MTTP: variants seen among roughly 807,000 people sequenced by gnomAD.
MTTP encodes microsomal triglyceride transfer protein large subunit.
MTTP carries 49 observed loss-of-function variants against 90.6 expected under a neutral mutation model. The observed-to-expected ratio is 0.54, with a 90% confidence interval of 0.43 to 0.69. The LOEUF (loss-of-function observed/expected upper bound fraction) is 0.69. MTTP is among the 30% of genes least tolerant of loss of function. The pLI is 0.00. For synonymous variants in MTTP, 347 were observed against 384.2 expected, an observed-to-expected ratio of 0.90 and a Z score of 1.13; for missense variants, 945 against 1,067.5, an observed-to-expected ratio of 0.89 and a Z score of 1.60.
intron 15 of MTTP, among the ~76,000 whole-genome samples, chr4:99,615,453 G>C (rs1273441412): frequency 6.6e-6 from 1 of 152,206 alleles, no homozygotes; most frequent in African/African-American, 2.4e-5. Context: ...CTATGAGAAA[G>C]ATTGCCCCCT....
At chr4:99,564,946 C>G (rs1391005197) in intron 1 of MTTP, among the ~76,000 whole-genome samples, 1 of 152,200 alleles carries the variant, frequency 6.6e-6, no homozygotes, top group African/African-American at 2.4e-5. Flanking sequence ...ACTTGAAACA[C>G]TGTATCAGCT....
At chr4:99,575,891 T>G (rs1258524927) in intron 1 of MTTP, among the ~76,000 whole-genome samples, 3 of 152,204 alleles carry the variant, frequency 2.0e-5, no homozygotes, top group South Asian at 4.1e-4. Context: ...TAGAAAACAA[T>G]TCACTTATAA....
intron 17 of MTTP, among the ~76,000 whole-genome samples, chr4:99,621,566 C>T (rs781587339): frequency 1.7e-4 from 26 of 152,146 alleles, no homozygotes; most frequent in Non-Finnish European, 3.2e-4. Flanking sequence ...CATTTACTGT[C>T]TGGTATCTTC....
upstream of MTTP, chr4:99,570,622 C>CT (rs763083944): frequency 1.1e-5 from 5 of 449,760 alleles, no homozygotes; most frequent in Non-Finnish European, 2.2e-5. Context: ...CTGTGATAGT[C>CT]TAAGTTAAGG....
At chr4:99,595,360 C>CAA (rs1417577523) in intron 7 of MTTP, 2 of 179,866 alleles carry the variant, frequency 1.1e-5, no homozygotes, top group African/African-American at 4.8e-5. Flanking sequence ...GTTTCCCCTA[C>CAA]AATTCCTGTC....
At chr4:99,622,593 A>G (rs1726263477) in intron 17 of MTTP, 84 bp from the exon 18 acceptor site, 1 of 1,451,754 alleles carries the variant, frequency 6.9e-7, no homozygotes, top group Middle Eastern at 1.7e-4. Flanking sequence ...CAGAAACTTC[A>G]AGTACATTCA....
At chr4:99,607,782 G>A (rs1725853309) in intron 11 of MTTP, among the ~76,000 whole-genome samples, 1 of 152,122 alleles carries the variant, frequency 6.6e-6, no homozygotes, top group South Asian at 2.1e-4. Context: ...GGATCCTAAT[G>A]TAACCTACAG....
In MTTP at chr4:99,574,865, G is replaced by T; in HGVS notation, c.-45G>T. ...CCATTGAAAGAGTCCACTTCTCAGT[G>T]ACTCCTAGCTGGGCACTGGATGCAG... On this transcript the variant is annotated 5_prime_UTR_variant, in exon 1 of 18. Transcript: ENST00000265517. The T allele has an allele frequency of 6.2e-7, 1 of 1,614,042 alleles. No homozygotes were observed. The highest frequency in any genetic ancestry group is 1.1e-5 in the South Asian group (1 of 91,050).
At chr4:99,592,715 T>C (rs1413806461) in intron 6 of MTTP, among the ~76,000 whole-genome samples, 1 of 152,166 alleles carries the variant, frequency 6.6e-6, no homozygotes, top group Non-Finnish European at 1.5e-5. Flanking sequence ...TGTCACTTCC[T>C]CTGATAACAA....
In MTTP at chr4:99,608,783, C is replaced by A. The variant is rs1050120100; in HGVS notation, c.1575C>A (p.Asn525Lys). Residue 525 changes from asparagine (N) to lysine (K), a missense_variant, in exon 12 of 18, where the codon AAC (asparagine) becomes AAA (lysine). Physicochemically the swap from Asn to Lys is moderately conservative, Grantham distance 94. Transcript: ENST00000265517. ...FITDEVKKTL[N>K]RIYHQNRKVH... ...ATGAACAGGTGAAGAAGACCTTAAA[C>A]AGAATATACCACCAAAACCGTAAAG... 6.2e-7 allele frequency: 1 copy of A among 1,614,020 alleles called. No individual in the cohort carries two copies. The highest frequency in any genetic ancestry group is 1.3e-5 in the African/African-American group (1 of 75,054).
intron 8 of MTTP, among the ~76,000 whole-genome samples, chr4:99,599,347 T>TA (rs1725641333): frequency 6.6e-6 from 1 of 152,194 alleles, no homozygotes; most frequent in South Asian, 2.1e-4. Context: ...GAAACATCAC[T>TA]ATAATTAAGA....
intron 15 of MTTP, among the ~76,000 whole-genome samples, chr4:99,618,229 T>A (rs1726143922): frequency 6.6e-6 from 1 of 152,188 alleles, no homozygotes; most frequent in African/African-American, 2.4e-5. Context: ...TATAAGGGAC[T>A]TGAGCACCCT....
chr4:99,617,091 A>G (rs190290542), intron 15 of MTTP, among the ~76,000 whole-genome samples: 4 of 152,256 alleles, frequency 2.6e-5, no homozygotes, highest in Admixed American at 1.3e-4. Flanking sequence ...CACATACAGA[A>G]CTCTCATATT....
chr4:99,600,286 G>A (rs992045868), intron 8 of MTTP, among the ~76,000 whole-genome samples: 10 of 151,758 alleles, frequency 6.6e-5, no homozygotes, highest in Non-Finnish European at 1.0e-4. Flanking sequence ...CTTACAAATC[G>A]CCAAATTATA....
chr4:99,588,242 T>C (rs1725305179), intron 3 of MTTP, among the ~76,000 whole-genome samples: 1 of 152,146 alleles, frequency 6.6e-6, no homozygotes, highest in South Asian at 2.1e-4. Flanking sequence ...ATGTTTTACT[T>C]TAGAAGCTAT....
chr4:99,597,318 G>A, intron 8 of MTTP, 94 bp downstream of exon 8: 1 of 1,359,422 alleles, frequency 7.4e-7, no homozygotes, highest in Non-Finnish European at 1.0e-6. Context: ...TAAACCAACT[G>A]CCCCACCACC....
At chr4:99,612,891 A>G in intron 14 of MTTP, 22 bp from the exon 15 acceptor site, 2 of 1,603,246 alleles carry the variant, frequency 1.2e-6, no homozygotes, top group South Asian at 1.1e-5. Flanking sequence ...TGCGTCATGA[A>G]CATTATATTG....
rs576886715 is a variant in MTTP, at chr4:99,615,358, G to T, written c.2217+2218G>T. Among the ~76,000 whole-genome samples, 3 of 152,306 alleles carry T rather than the reference G, an allele frequency of 2.0e-5. No homozygotes were observed. The South Asian group carries it at 6.2e-4, about 32-fold the overall frequency. On this transcript the variant is annotated intron_variant, in intron 15 of 17. Coordinates refer to ENST00000265517, the MANE Select transcript of MTTP (RefSeq NM_001386140.1). Reference sequence around the variant, plus strand: ...AGCCAGTGGGCCAGACTTGCCTGCTGGCCATAGTTTGCCAATCCCTGATCT... The same window carrying T: ...AGCCAGTGGGCCAGACTTGCCTGCTTGCCATAGTTTGCCAATCCCTGATCT...
chr4:99,598,653 CT>C (rs745529189), intron 8 of MTTP, among the ~76,000 whole-genome samples: 75 of 82,528 alleles, frequency 9.1e-4, no homozygotes, highest in South Asian at 1.9e-3. Flanking sequence ...TCAAGGAAGT[CT>C]TTTTTTTTTT....
Sources: gnomAD v4.1 joint callset for allele counts (sites outside exome capture counted in the v4.1 genomes callset) on GRCh38, gnomAD v4.1.1 for gene constraint, MANE v1.5 for transcripts, NCBI Gene and HGNC (gene_info 2026-07-23, HGNC 2026-07-21) for gene names.